FGF14: variants seen among roughly 807,000 people sequenced by gnomAD.
FGF14 encodes fibroblast growth factor 14, also known as fibroblast growth factor homologous factor 4.
Under a neutral mutation model 25.5 loss-of-function variants are expected in FGF14, and 5 were observed. The ratio of observed to expected loss-of-function variants is 0.20; its 90% confidence interval spans 0.10 to 0.41. The LOEUF (loss-of-function observed/expected upper bound fraction) is 0.41, where lower values mean the gene tolerates loss of function less well. Ranked by LOEUF, FGF14 falls within the 10% of genes least tolerant of loss-of-function variation. The pLI is 1.00. For missense variants in FGF14, 222 were observed against 320.1 expected (o/e 0.69, Z 2.34); for synonymous variants, 138 against 118.3 (o/e 1.17, Z -1.08).
chr13:102,218,571 G>A (rs2050473304), intron 1 of FGF14, among the ~76,000 whole-genome samples: 1 of 151,726 alleles, frequency 6.6e-6, no homozygotes, highest in Non-Finnish European at 1.5e-5. Flanking sequence ...CAGGTTGGTG[G>A]TCAATGATGG....
At chr13:102,353,360 T>C (rs1277421167) in intron 1 of FGF14, among the ~76,000 whole-genome samples, 1 of 152,176 alleles carries the variant, frequency 6.6e-6, no homozygotes, top group African/African-American at 2.4e-5. Flanking sequence ...TACTTGGTGA[T>C]CTCATCAACC....
At chr13:102,096,029 T>C (rs1479114003) in intron 1 of FGF14, among the ~76,000 whole-genome samples, 1 of 150,218 alleles carries the variant, frequency 6.7e-6, no homozygotes, top group Admixed American at 6.6e-5. Context: ...TATATTTCTT[T>C]ATTTGACATA....
At chr13:101,991,146 A>T (rs940597401) in intron 1 of FGF14, among the ~76,000 whole-genome samples, 3 of 152,128 alleles carry the variant, frequency 2.0e-5, no homozygotes, top group African/African-American at 7.2e-5. Flanking sequence ...TTAAAATATG[A>T]TCTTATTGAG....
intron 1 of FGF14, among the ~76,000 whole-genome samples, chr13:102,097,970 C>CT (rs1215837932): frequency 6.6e-6 from 1 of 152,244 alleles, no homozygotes; most frequent in East Asian, 1.9e-4. Flanking sequence ...CAGCCCAAGT[C>CT]TGGAGACCTG....
intron 3 of FGF14, chr13:101,802,093 T>C: frequency 3.7e-6 from 1 of 269,852 alleles, no homozygotes; most frequent in Non-Finnish European, 7.4e-6. Flanking sequence ...TAGGTTCGGA[T>C]GGGGAAATGA....
Position 102,029,151 on chromosome 13 carries a change from C to A in FGF14, c.209-153855G>T, listed in dbSNP as rs147751047. ...CTAACGAGCACTTCAAAAAGGAGGG[C>A]AAAATGAGGCTCTCATGTTGCTTGT... On this transcript the variant is annotated intron_variant, in intron 1 of 4. Coordinates refer to the FGF14 transcript ENST00000376131. Among the ~76,000 whole-genome samples the A allele has an allele frequency of 2.4e-4, 36 of 152,122 alleles. No homozygotes were observed. In the East Asian group the frequency reaches 6.4e-3, roughly 27 times the overall value.
intron 2 of FGF14, among the ~76,000 whole-genome samples, chr13:101,870,698 T>C (rs2140457068): frequency 1.3e-5 from 2 of 152,240 alleles, no homozygotes; most frequent in South Asian, 4.1e-4. Flanking sequence ...GGCGTGGTGT[T>C]ATCCCAGCAC....
At chr13:102,096,072 T>C (rs1365516485) in intron 1 of FGF14, among the ~76,000 whole-genome samples, 7 of 151,110 alleles carry the variant, frequency 4.6e-5, no homozygotes, top group Non-Finnish European at 1.0e-4. Flanking sequence ...TATTCAAAGT[T>C]ATTAGAGTTG....
chr13:102,054,155 T>G (rs1040573491), intron 1 of FGF14, among the ~76,000 whole-genome samples: 1 of 152,192 alleles, frequency 6.6e-6, no homozygotes, highest in Admixed American at 6.5e-5. Flanking sequence ...TCATCACTGA[T>G]GTGAGAGAAT....
chr13:102,019,103 G>A (rs532206483), intron 1 of FGF14, among the ~76,000 whole-genome samples: 6 of 152,226 alleles, frequency 3.9e-5, no homozygotes, highest in African/African-American at 1.2e-4. Flanking sequence ...TCAGCTTTGT[G>A]ATGAGCCAAC....
rs1566810165 is a variant in FGF14 at position 101,720,569 on chromosome 13, T to A, written c.*2262A>T. The A allele has an allele frequency of 2.0e-5, 3 of 151,042 alleles. No homozygotes were observed. Among genetic ancestry groups the A allele is most frequent in the African/African-American group, 7.3e-5 (3 of 40,834 alleles). 9.4% of individuals were successfully genotyped at this position (151,042 alleles called of 1,614,324 possible). A position where few individuals can be genotyped will look rare whatever the true frequency, so the allele number is the denominator to read the frequency against. Reference sequence around the variant, plus strand: ...GTGTGTGTGTGTGTGTGTGTGTATATGTGTGTGTTTGTGTGAAGTGAAGTG... The same window carrying A: ...GTGTGTGTGTGTGTGTGTGTGTATAAGTGTGTGTTTGTGTGAAGTGAAGTG... On this transcript the variant is annotated 3_prime_UTR_variant, in exon 5 of 5. Transcript: ENST00000376143.
At chr13:101,868,529 T>C in intron 3 of FGF14, 196 bp downstream of exon 3, 1 of 590,278 alleles carries the variant, frequency 1.7e-6, no homozygotes, top group South Asian at 1.8e-5. Flanking sequence ...AGACATAGTA[T>C]TACACTTCCT....
chr13:102,237,929 T>C (rs1427744332), intron 1 of FGF14, among the ~76,000 whole-genome samples: 4 of 152,220 alleles, frequency 2.6e-5, no homozygotes, highest in Admixed American at 2.6e-4. Flanking sequence ...CACTCTAAAC[T>C]GGTATTAAGG....
chr13:101,824,763 C>A (rs1160409672), intron 3 of FGF14, among the ~76,000 whole-genome samples: 1 of 152,262 alleles, frequency 6.6e-6, no homozygotes, highest in South Asian at 2.1e-4. Context: ...AGCTTTCGGC[C>A]TCATTCCTAA....
At chr13:101,860,787 GTCT>G (rs893940093) in intron 3 of FGF14, among the ~76,000 whole-genome samples, 5 of 152,016 alleles carry the variant, frequency 3.3e-5, no homozygotes, top group African/African-American at 1.2e-4. Context: ...CTTAATTGGA[GTCT>G]TGGATTCTGT....
chr13:101,975,614 A>G (rs557523939), intron 1 of FGF14, among the ~76,000 whole-genome samples: 3 of 131,888 alleles, frequency 2.3e-5, no homozygotes, highest in African/African-American at 8.0e-5. Context: ...CAGATGAGTT[A>G]CATCAAAAAT....
intron 1 of FGF14, among the ~76,000 whole-genome samples, chr13:102,112,302 T>C (rs2045269723): frequency 6.6e-6 from 1 of 152,124 alleles, no homozygotes; most frequent in Admixed American, 6.5e-5. Context: ...CAGCTAGACA[T>C]GAATCTACGC....
intron 1 of FGF14, among the ~76,000 whole-genome samples, chr13:102,319,537 A>G (rs1448089947): frequency 6.6e-6 from 1 of 152,236 alleles, no homozygotes; most frequent in Non-Finnish European, 1.5e-5. Context: ...AGGCATGGCC[A>G]GTGGGAGGAA....
chr13:102,120,008 C>T (rs895378828), intron 1 of FGF14, among the ~76,000 whole-genome samples: 1 of 152,162 alleles, frequency 6.6e-6, no homozygotes, highest in African/African-American at 2.4e-5. Context: ...TGCCACCCAA[C>T]CTCACTAGAT....
Sources: allele counts gnomAD v4.1 joint callset (sites outside exome capture counted in the v4.1 genomes callset), GRCh38; gene constraint gnomAD v4.1.1; transcripts MANE v1.5; gene names NCBI Gene and HGNC (gene_info 2026-07-23, HGNC 2026-07-21).